The following GSE1 variants were observed in gnomAD, a reference collection of about 807,000 sequenced individuals.
The protein encoded by GSE1 is Gse1 coiled-coil protein.
GSE1 carries 32 observed loss-of-function variants against 112.6 expected under a neutral mutation model. The observed-to-expected ratio is 0.28, with a 90% confidence interval of 0.21 to 0.38. The LOEUF is 0.38. GSE1 is among the 10% of genes least tolerant of loss of function. GSE1 has a pLI of 1.00. For missense variants in GSE1, 2,348 were observed against 1,699.2 expected (o/e 1.38, Z -6.71); for synonymous variants, 1,115 against 735.6 (o/e 1.52, Z -8.35).
In GSE1 at chr16:85,511,528, C is replaced by CAA. The variant is rs71151298; in HGVS notation, c.2465-122370_2465-122369dup. Among the ~76,000 whole-genome samples, 208 of 114,958 alleles carry CAA rather than the reference C, an allele frequency of 1.8e-3. 1 individual carries two copies. Among genetic ancestry groups the CAA allele is most frequent in the East Asian group, 3.8e-3 (16 of 4,174 alleles). The allele number at this position is 114,958 out of a possible 152,430, so 75.4% of individuals were successfully genotyped here. ...GGGCAACAAGAGCAAAACTCCATCT[C>CAA]AAAAAAAAAAAAAAAAAGATGGCCT... On this transcript the variant is annotated intron_variant, in intron 2 of 2. Coordinates refer to the GSE1 transcript ENST00000637419.
chr16:85,645,509 C>A (rs566362362), intron 2 of GSE1, among the ~76,000 whole-genome samples: 2 of 152,260 alleles, frequency 1.3e-5, no homozygotes, highest in Admixed American at 6.5e-5. Flanking sequence ...GGCAGCTGCC[C>A]CACCCCAAGG....
chr16:85,554,963 G>A (rs2045126127), upstream of GSE1: 1 of 985,406 alleles, frequency 1.0e-6, no homozygotes. Flanking sequence ...AGGCGAGCCC[G>A]GCTTCCTGCG....
chr16:85,603,248 G>A (rs533093164), intron 1 of GSE1, among the ~76,000 whole-genome samples: 5 of 152,356 alleles, frequency 3.3e-5, no homozygotes, highest in Admixed American at 2.6e-4. Flanking sequence ...CAGAGCTTGG[G>A]TCCACAGAGA....
chr16:85,203,217 C>A (rs1228203710), intron 1 of GSE1, among the ~76,000 whole-genome samples: 1 of 152,122 alleles, frequency 6.6e-6, no homozygotes, highest in East Asian at 1.9e-4. Context: ...TCCTCCTCAG[C>A]ATGCGTTTGC....
At chr16:85,324,915 A>G (rs992077940) in intron 1 of GSE1, among the ~76,000 whole-genome samples, 5 of 152,196 alleles carry the variant, frequency 3.3e-5, no homozygotes, top group Admixed American at 6.5e-5. Flanking sequence ...TGAGTTGGAC[A>G]CTTTAAAATG....
At chr16:85,649,488 C>T (rs1414061482) in intron 3 of GSE1, among the ~76,000 whole-genome samples, 1 of 152,230 alleles carries the variant, frequency 6.6e-6, no homozygotes, top group African/African-American at 2.4e-5. Flanking sequence ...GGCCCCTCCC[C>T]AAGTTTTCGG....
chr16:85,370,073 C>T (rs1020436883), intron 2 of GSE1, among the ~76,000 whole-genome samples: 4 of 152,156 alleles, frequency 2.6e-5, no homozygotes, highest in African/African-American at 7.2e-5. Context: ...CTGCGCCACC[C>T]TTGCGGGGCA....
intron 1 of GSE1, among the ~76,000 whole-genome samples, chr16:85,569,500 C>T (rs897579873): frequency 4.6e-5 from 7 of 152,188 alleles, no homozygotes; most frequent in African/African-American, 1.4e-4. Flanking sequence ...CCTGAGGCTG[C>T]TGTGAGAATT....
At chr16:85,450,658 C>T (rs750700480) in intron 2 of GSE1, among the ~76,000 whole-genome samples, 1 of 150,634 alleles carries the variant, frequency 6.6e-6, no homozygotes, top group Non-Finnish European at 1.5e-5. Flanking sequence ...ACCATCTTGG[C>T]CAGGCTGGTC....
intron 8 of GSE1, among the ~76,000 whole-genome samples, chr16:85,659,068 C>T (rs551497464): frequency 6.6e-6 from 1 of 152,348 alleles, no homozygotes; most frequent in East Asian, 1.9e-4. Flanking sequence ...AATATTTATT[C>T]TCCTGCAGGT....
At chr16:85,403,211 C>T (rs901871528) in intron 2 of GSE1, among the ~76,000 whole-genome samples, 20 of 152,054 alleles carry the variant, frequency 1.3e-4, no homozygotes, top group African/African-American at 4.1e-4. Context: ...AGCCAGGGTG[C>T]GGGGGAGGGT....
In GSE1 at chr16:85,636,903, A is replaced by ACCCCCCAGCTCCCCTGTGCTAC. The variant is rs572813710; in HGVS notation, c.226+2785_226+2806dup. The stretch of plus-strand genomic sequence containing the variant: ...CCTGGATGACAGTGGGGACATGTGG[A>ACCCCCCAGCTCCCCTGTGCTAC]CCCCCCAGCTCCCCTGTGCTACCCC... On this transcript the variant is annotated intron_variant, in intron 2 of 15. Coordinates refer to ENST00000253458, the MANE Select transcript of GSE1 (RefSeq NM_014615.5). 3.7e-4 allele frequency among the ~76,000 whole-genome samples: 56 copies of ACCCCCCAGCTCCCCTGTGCTAC among 150,968 alleles called. 1 individual carries two copies. In the South Asian group the frequency reaches 0.01, roughly 27 times the overall value.
chr16:85,396,541 G>A (rs2047969879), intron 2 of GSE1, among the ~76,000 whole-genome samples: 1 of 152,252 alleles, frequency 6.6e-6, no homozygotes, highest in South Asian at 2.1e-4. Flanking sequence ...TCCACTGCCT[G>A]GCCACTGCCA....
intron 2 of GSE1, among the ~76,000 whole-genome samples, chr16:85,436,643 C>G (rs896225739): frequency 2.0e-5 from 3 of 152,228 alleles, no homozygotes; most frequent in Non-Finnish European, 1.5e-5. Flanking sequence ...CAGAGAGTCC[C>G]GGGAGGCAGC....
chr16:85,423,335 G>A (rs28591480), intron 2 of GSE1, among the ~76,000 whole-genome samples: 13,343 of 152,226 alleles, frequency 0.088, 944 homozygotes, highest in East Asian at 0.42. Context: ...CTCACCCATC[G>A]CTGCCTCGGG....
At chr16:85,171,814 A>C (rs1384117064) in intron 1 of GSE1, 2 of 984,770 alleles carry the variant, frequency 2.0e-6, no homozygotes, top group Non-Finnish European at 2.4e-6. Flanking sequence ...GAAGGTAAGC[A>C]GCAGTTTTCA....
intron 1 of GSE1, among the ~76,000 whole-genome samples, chr16:85,293,820 C>T (rs2045289521): frequency 6.6e-6 from 1 of 152,200 alleles, no homozygotes; most frequent in Non-Finnish European, 1.5e-5. Flanking sequence ...TGTGTGTCTT[C>T]ACGCGGCCTT....
At chr16:85,241,799 G>A (rs1567632967) in intron 1 of GSE1, among the ~76,000 whole-genome samples, 1 of 152,126 alleles carries the variant, frequency 6.6e-6, no homozygotes, top group Non-Finnish European at 1.5e-5. Flanking sequence ...CTCTCCTCCT[G>A]TACTCACTTT....
chr16:85,381,174 T>A (rs2151620878), intron 2 of GSE1, among the ~76,000 whole-genome samples: 1 of 152,350 alleles, frequency 6.6e-6, no homozygotes, highest in African/African-American at 2.4e-5. Flanking sequence ...ATCTTCCTAT[T>A]CTGGACGTTT....
Sources: gnomAD v4.1 joint callset for allele counts (sites outside exome capture counted in the v4.1 genomes callset) on GRCh38, gnomAD v4.1.1 for gene constraint, MANE v1.5 for transcripts, NCBI Gene and HGNC (gene_info 2026-07-23, HGNC 2026-07-21) for gene names.